Variants in SPDYE3 observed in about 807,000 individuals in gnomAD.
The protein encoded by SPDYE3 is speedy/RINGO cell cycle regulator family member E3.
Under a neutral mutation model 55.0 loss-of-function variants are expected in SPDYE3, and 15 were observed. The ratio of observed to expected loss-of-function variants is 0.27; its 90% CI spans 0.18 to 0.42. The LOEUF (loss-of-function observed/expected upper bound fraction) is 0.42, where lower values mean the gene tolerates loss of function less well. Ranked by LOEUF, SPDYE3 falls within the 10% of genes least tolerant of loss-of-function variation. The pLI, the probability that SPDYE3 is intolerant of heterozygous loss-of-function variation, is 1.00. For missense variants in SPDYE3, 236 were observed against 576.7 expected, an observed-to-expected ratio of 0.41 and a Z score of 6.05; for synonymous variants, 89 against 229.9, an observed-to-expected ratio of 0.39 and a Z score of 5.55.
At chr7:100,318,066 A>C (rs1401455462) in intron 8 of SPDYE3, among the ~76,000 whole-genome samples, 5 of 151,866 alleles carry the variant, frequency 3.3e-5, no homozygotes, top group Non-Finnish European at 7.4e-5. Flanking sequence ...AGCGGACATG[A>C]CACTTCCCCC....
At position 100,313,555 on chromosome 7, in the gene SPDYE3, T is replaced by C. The variant is rs1806020313; in HGVS notation, c.982+197T>C. ...AGGTAGACTTGATAAAGGTCGGTGCTTGGGATAAGAAAGCTTGGTTTTGGG... is the reference window on the plus strand; with the variant it reads ...AGGTAGACTTGATAAAGGTCGGTGCCTGGGATAAGAAAGCTTGGTTTTGGG... On this transcript the variant is annotated intron_variant, in intron 5 of 10. Coordinates refer to ENST00000332397, the MANE Select transcript of SPDYE3 (RefSeq NM_001004351.5). 5.8e-5 allele frequency among the ~76,000 whole-genome samples: 6 copies of C among 103,342 alleles called. No individual in the cohort carries two copies. In the South Asian group the frequency reaches 2.4e-3, roughly 42 times the overall value. 67.8% of individuals were successfully genotyped at this position (103,342 alleles called of 152,430 possible).
intron 4 of SPDYE3, among the ~76,000 whole-genome samples, chr7:100,312,530 A>G (rs1401864783): frequency 2.2e-5 from 3 of 137,340 alleles, no homozygotes; most frequent in African/African-American, 8.0e-5. Flanking sequence ...AAGAGAAAAA[A>G]GAAGGGTCAG....
chr7:100,311,479 C>T (rs1270748032), intron 3 of SPDYE3, among the ~76,000 whole-genome samples: 3 of 135,204 alleles, frequency 2.2e-5, no homozygotes, highest in Non-Finnish European at 3.2e-5. Context: ...AAGCAAGATT[C>T]TGTCTCGAAA....
intron 4 of SPDYE3, among the ~76,000 whole-genome samples, chr7:100,312,932 G>A (rs1013847984): frequency 1.3e-5 from 2 of 150,308 alleles, no homozygotes; most frequent in Admixed American, 6.6e-5. Flanking sequence ...ACGATATGTC[G>A]CAGTGTTCTG....
rs1805856062 is a variant in SPDYE3, at chr7:100,307,793, C to T, written c.-93C>T. The T allele has an allele frequency of 6.9e-7, 1 of 1,459,292 alleles. No homozygotes were observed. The highest frequency in any genetic ancestry group is 2.3e-5 in the Admixed American group (1 of 42,688). The allele number at this position is 1,459,292 out of a possible 1,614,324, so 90.4% of individuals were successfully genotyped here. A position where few individuals can be genotyped will look rare whatever the true frequency, so the allele number is the denominator to read the frequency against. On this transcript the variant is annotated 5_prime_UTR_variant, in exon 1 of 11. Transcript: ENST00000332397. Reference sequence around the variant, plus strand: ...TTCTCCCAGCCTCGAGAATTGATAACACACTCTTCTGGATCCCAGCAGTGT... The same window carrying T: ...TTCTCCCAGCCTCGAGAATTGATAATACACTCTTCTGGATCCCAGCAGTGT...
At chr7:100,315,993 A>C in intron 7 of SPDYE3, 150 bp downstream of exon 7, 1 of 1,330,442 alleles carries the variant, frequency 7.5e-7, no homozygotes, top group South Asian at 1.2e-5. Context: ...TTTTTGTGAG[A>C]CACAGTCTTG....
chr7:100,309,657 G>T (rs1805912609), intron 2 of SPDYE3, among the ~76,000 whole-genome samples: 1 of 130,830 alleles, frequency 7.6e-6, no homozygotes, highest in African/African-American at 2.8e-5. Flanking sequence ...GGAGGAAGAG[G>T]GTGCAGTGAG....
At chr7:100,309,635 C>T (rs1328562810) in intron 2 of SPDYE3, among the ~76,000 whole-genome samples, 1 of 130,168 alleles carries the variant, frequency 7.7e-6, no homozygotes, top group African/African-American at 2.8e-5. Context: ...ACAGGAGAAT[C>T]GCTTGAGCCT....
Position 100,307,931 on chromosome 7 carries a change from C to T in SPDYE3, c.46C>T (p.Arg16Trp), listed in dbSNP as rs763028059. 1.7e-5 allele frequency: 27 copies of T among 1,583,330 alleles called. No homozygotes were observed. Among genetic ancestry groups the T allele is most frequent in the African/African-American group, 6.7e-5 (5 of 74,540 alleles). The change falls in exon 1 of 11, where the codon CGG becomes TGG. Residue 16 changes from arginine to tryptophan, a missense_variant. By Grantham distance (101) the Arg-to-Trp change is moderately radical. Transcript: ENST00000332397. ...PQPQEEQSPQ[R>W]STSGYPLQEV... ...GCCCCAGGAAGAGCAGAGCCCCCAGCGGAGCACCTCAGGGTACCCCCTCCA... is the reference window on the plus strand; with the variant it reads ...GCCCCAGGAAGAGCAGAGCCCCCAGTGGAGCACCTCAGGGTACCCCCTCCA...
chr7:100,321,300 C>T lies in SPDYE3; in HGVS notation c.*455C>T, dbSNP rs1385402135. ...CTTTGTGAAATATGAGTGCCACAGA[C>T]TGTAACAGATAGCTTCATGCACACT... On this transcript the variant is annotated 3_prime_UTR_variant, in exon 11 of 11. Coordinates refer to ENST00000332397, the MANE Select transcript of SPDYE3 (RefSeq NM_001004351.5). 1 of 350,292 alleles carries T rather than the reference C, an allele frequency of 2.9e-6. No homozygotes were observed. Among genetic ancestry groups the T allele is most frequent in the Admixed American group, 3.9e-5 (1 of 25,326 alleles). 21.7% of individuals were successfully genotyped at this position (350,292 alleles called of 1,614,324 possible).
In SPDYE3 at chr7:100,316,886, C is replaced by T. The variant is rs369497593; in HGVS notation, c.1261-184C>T. ...ACCTAAAACCCTTCCTCCGGCTTCT[C>T]GGATTTGCATCCGACCTTCGAATAC... On this transcript the variant is annotated intron_variant, in intron 7 of 10. Coordinates refer to ENST00000332397, the MANE Select transcript of SPDYE3 (RefSeq NM_001004351.5). Among the ~76,000 whole-genome samples, 11 of 152,308 alleles carry T rather than the reference C, an allele frequency of 7.2e-5. No homozygotes were observed. The East Asian group carries it at 1.4e-3, about 19-fold the overall frequency.
chr7:100,308,687 T>G (rs1805886443), intron 1 of SPDYE3, among the ~76,000 whole-genome samples: 1 of 148,730 alleles, frequency 6.7e-6, no homozygotes, highest in Admixed American at 6.7e-5. Context: ...CCAGCCTGGG[T>G]GACAAAGCAA....
intron 7 of SPDYE3, 88 bp from the exon 8 acceptor site, chr7:100,316,982 C>T: frequency 1.0e-5 from 16 of 1,595,450 alleles, no homozygotes; most frequent in Non-Finnish European, 1.4e-5. Context: ...ATGGGCAACC[C>T]CTCCCCAGAC....
At chr7:100,311,463 G>T (rs968282515) in intron 3 of SPDYE3, among the ~76,000 whole-genome samples, 11 of 135,812 alleles carry the variant, frequency 8.1e-5, no homozygotes, top group South Asian at 2.4e-4. Flanking sequence ...TCCAGCCTGG[G>T]TGACAAAGCA....
chr7:100,318,887 G>GTTTATTTATTTAT (rs1554445172), intron 8 of SPDYE3, among the ~76,000 whole-genome samples: 9 of 140,594 alleles, frequency 6.4e-5, no homozygotes, highest in Non-Finnish European at 1.4e-4. Flanking sequence ...CACCTGGACA[G>GTTTATTTATTTAT]TTATTTATTT....
chr7:100,308,067 C>A (rs1349488119), intron 1 of SPDYE3, 76 bp downstream of exon 1: 72 of 1,461,304 alleles, frequency 4.9e-5, no homozygotes, highest in Non-Finnish European at 6.4e-5. Context: ...CGGTAGCTCA[C>A]CCCTGTAACA....
chr7:100,320,715 T>G, intron 10 of SPDYE3, 176 bp from the exon 11 acceptor site: 5 of 1,084,612 alleles, frequency 4.6e-6, no homozygotes, highest in Non-Finnish European at 4.7e-6. Flanking sequence ...CACCAAAGCG[T>G]GAGTTTCACA....
intron 1 of SPDYE3, among the ~76,000 whole-genome samples, chr7:100,308,194 A>C (rs1283587425): frequency 6.6e-6 from 1 of 151,554 alleles, no homozygotes; most frequent in Non-Finnish European, 1.5e-5. Context: ...GCCAGGCGGT[A>C]GTGGTGTGTG....
At chr7:100,318,581 C>T (rs1454945550) in intron 8 of SPDYE3, among the ~76,000 whole-genome samples, 1 of 152,224 alleles carries the variant, frequency 6.6e-6, no homozygotes, top group Non-Finnish European at 1.5e-5. Context: ...CATCTTCCAA[C>T]TTCTGCATGC....
Sources: gnomAD v4.1 joint callset for allele counts (sites outside exome capture counted in the v4.1 genomes callset) on GRCh38, gnomAD v4.1.1 for gene constraint, MANE v1.5 for transcripts, NCBI Gene and HGNC (gene_info 2026-07-23, HGNC 2026-07-21) for gene names.